The following MAD1L1 variants were observed in gnomAD, a reference collection of about 807,000 sequenced individuals.
The protein encoded by MAD1L1 is mitotic spindle assembly checkpoint protein MAD1.
Under a neutral mutation model 96.9 loss-of-function variants are expected in MAD1L1, and 95 were observed. The observed-to-expected ratio is 0.98, with a 90% CI of 0.83 to 1.16. The LOEUF (loss-of-function observed/expected upper bound fraction) is 1.16, where lower values mean the gene tolerates loss of function less well. MAD1L1 is among the 50% of genes most tolerant of loss of function. The probability of loss-of-function intolerance (pLI) is 0.00; values close to 1 mark genes in which losing one functional copy is unlikely to be tolerated. For missense variants in MAD1L1, 1,007 were observed against 954.4 expected (o/e 1.06, Z -0.73); for synonymous variants, 473 against 396.6 (o/e 1.19, Z -2.29).
Position 1,989,309 on chromosome 7 carries a change from G to A in MAD1L1, c.1417-8768C>T, listed in dbSNP as rs550890606. Among the ~76,000 whole-genome samples, 25 of 152,348 alleles carry A rather than the reference G, an allele frequency of 1.6e-4. No individual in the cohort carries two copies. The South Asian group carries it at 5.2e-3, about 32-fold the overall frequency. On this transcript the variant is annotated intron_variant, in intron 14 of 18. Coordinates refer to ENST00000265854, the MANE Select transcript of MAD1L1 (RefSeq NM_001013836.2). ...TGTCACTTCTCTCACGCCCAGGAGCGTTCATTTGTGTCCTCTTAGTTACGA... is the reference window on the plus strand; with the variant it reads ...TGTCACTTCTCTCACGCCCAGGAGCATTCATTTGTGTCCTCTTAGTTACGA...
chr7:1,988,031 C>T lies in MAD1L1; in HGVS notation c.1417-7490G>A, dbSNP rs112683087. Among the ~76,000 whole-genome samples the T allele has an allele frequency of 1.6e-3, 239 of 152,340 alleles. 2 individuals are homozygous for T. The highest frequency in any genetic ancestry group is 5.6e-3 in the African/African-American group (232 of 41,584). The stretch of plus-strand genomic sequence containing the variant: ...TCACCGAGGACCTGTAGAACACCTA[C>T]TCACACCCGGGGCAGGCCCATGAGA... On this transcript the variant is annotated intron_variant, in intron 14 of 18. Coordinates refer to ENST00000265854, the MANE Select transcript of MAD1L1 (RefSeq NM_001013836.2).
At chr7:2,228,303 C>T (rs1794012419) in intron 3 of MAD1L1, among the ~76,000 whole-genome samples, 2 of 152,178 alleles carry the variant, frequency 1.3e-5, no homozygotes, top group Non-Finnish European at 2.9e-5. Flanking sequence ...ACTCTGTCAC[C>T]CGGGCTGGAG....
At chr7:2,059,202 G>C (rs1455527475) in intron 12 of MAD1L1, among the ~76,000 whole-genome samples, 2 of 131,114 alleles carry the variant, frequency 1.5e-5, no homozygotes, top group Non-Finnish European at 3.3e-5. Flanking sequence ...GGCCAGAGGA[G>C]AGAAGCAGGG....
At chr7:1,913,519 C>T (rs564338569) in intron 17 of MAD1L1, among the ~76,000 whole-genome samples, 79 of 152,200 alleles carry the variant, frequency 5.2e-4, no homozygotes, top group African/African-American at 1.7e-3. Flanking sequence ...AGGCCCCTTG[C>T]TCCCCCAGGT....
intron 18 of MAD1L1, among the ~76,000 whole-genome samples, chr7:1,876,667 A>C (rs1323470593): frequency 1.2e-4 from 18 of 151,536 alleles, no homozygotes; most frequent in South Asian, 2.1e-4. Flanking sequence ...AAATAAACAC[A>C]AACAGAAACC....
chr7:2,178,756 G>A (rs918856523), intron 10 of MAD1L1, among the ~76,000 whole-genome samples: 6 of 152,104 alleles, frequency 3.9e-5, no homozygotes, highest in Non-Finnish European at 8.8e-5. Flanking sequence ...AATTAGCCGG[G>A]TGTGGTGGCG....
intron 12 of MAD1L1, among the ~76,000 whole-genome samples, chr7:2,053,654 G>A (rs916126636): frequency 2.6e-5 from 4 of 152,310 alleles, no homozygotes; most frequent in Middle Eastern, 3.4e-3. Flanking sequence ...CTGGGGACAC[G>A]GGTTATGGGG....
At position 2,003,192 on chromosome 7, in the gene MAD1L1, G is replaced by A. The variant is rs561394637; in HGVS notation, c.1360-1071C>T. ...AAATCGAGAGGCAGGCAGATGCCTG[G>A]CCCAGCGGCAACTGGAAACCACCAG... is the stretch of plus-strand genomic sequence containing the variant. On this transcript the variant is annotated intron_variant, in intron 13 of 18. Coordinates refer to ENST00000265854, the MANE Select transcript of MAD1L1 (RefSeq NM_001013836.2). Among the ~76,000 whole-genome samples the A allele has an allele frequency of 3.3e-5, 5 of 152,328 alleles. No homozygotes were observed. In the South Asian group the frequency reaches 1.0e-3, roughly 32 times the overall value.
At chr7:2,126,256 C>T (rs913290874) in intron 11 of MAD1L1, among the ~76,000 whole-genome samples, 8 of 152,220 alleles carry the variant, frequency 5.3e-5, no homozygotes, top group Admixed American at 2.0e-4. Flanking sequence ...GGACGGGGGA[C>T]GCCCACAGAG....
chr7:1,897,843 CT>C (rs1237026964), intron 18 of MAD1L1, among the ~76,000 whole-genome samples: 4 of 152,258 alleles, frequency 2.6e-5, no homozygotes, highest in African/African-American at 4.8e-5. Context: ...CCCACACGGA[CT>C]TCAGTCCTCC....
At chr7:2,171,757 G>A (rs889523719) in intron 10 of MAD1L1, among the ~76,000 whole-genome samples, 1 of 151,934 alleles carries the variant, frequency 6.6e-6, no homozygotes, top group Non-Finnish European at 1.5e-5. Context: ...CCTCCGCCAT[G>A]CAAAGGGCAG....
At chr7:2,015,754 C>G (rs1782511763) in intron 12 of MAD1L1, among the ~76,000 whole-genome samples, 1 of 152,266 alleles carries the variant, frequency 6.6e-6, no homozygotes, top group South Asian at 2.1e-4. Context: ...GGAGCCAGCC[C>G]TCCAGACACC....
At chr7:2,172,658 G>A (rs1241662824) in intron 10 of MAD1L1, among the ~76,000 whole-genome samples, 1 of 152,238 alleles carries the variant, frequency 6.6e-6, no homozygotes, top group Non-Finnish European at 1.5e-5. Flanking sequence ...AGTAGTCCTC[G>A]TGGTGCCAGC....
At chr7:1,836,649 T>C (rs979095026) in intron 18 of MAD1L1, among the ~76,000 whole-genome samples, 2 of 152,162 alleles carry the variant, frequency 1.3e-5, no homozygotes, top group African/African-American at 4.8e-5. Context: ...CCCAAAATGA[T>C]CTATAGAGTC....
chr7:2,004,343 C>T (rs1192612219), intron 13 of MAD1L1, among the ~76,000 whole-genome samples: 1 of 152,250 alleles, frequency 6.6e-6, no homozygotes, highest in Non-Finnish European at 1.5e-5. Context: ...ATGTCCGCCA[C>T]ACCCGGCACA....
intron 10 of MAD1L1, among the ~76,000 whole-genome samples, chr7:2,195,596 A>G (rs911346768): frequency 2.0e-5 from 3 of 152,252 alleles, no homozygotes; most frequent in Non-Finnish European, 4.4e-5. Context: ...GTTTGATTCC[A>G]TGAAACTGAA....
intron 16 of MAD1L1, among the ~76,000 whole-genome samples, chr7:1,950,400 C>A (rs185743492): frequency 6.6e-6 from 1 of 152,348 alleles, no homozygotes. Flanking sequence ...GCTCCCCTGA[C>A]CTCAGGCCTC....
chr7:2,163,817 A>G (rs1790283652), intron 10 of MAD1L1, among the ~76,000 whole-genome samples: 1 of 152,098 alleles, frequency 6.6e-6, no homozygotes, highest in African/African-American at 2.4e-5. Context: ...CCTCCTCACC[A>G]TGCGAATCTG....
chr7:1,958,842 G>C (rs1306238001), intron 15 of MAD1L1, among the ~76,000 whole-genome samples: 1 of 152,236 alleles, frequency 6.6e-6, no homozygotes, highest in African/African-American at 2.4e-5. Context: ...AAGAGACACA[G>C]GTAGAAGTGG....
Sources: allele counts gnomAD v4.1 joint callset (sites outside exome capture counted in the v4.1 genomes callset), GRCh38; gene constraint gnomAD v4.1.1; transcripts MANE v1.5; gene names NCBI Gene and HGNC (gene_info 2026-07-23, HGNC 2026-07-21).